The following RPSA2 variants were observed in gnomAD, a reference collection of about 807,000 sequenced individuals.
RPSA2 encodes the protein ribosomal protein SA 2, also known as small ribosomal subunit protein uS2B.
chr19:23,825,241 G>A, the RPSA2 span, among the ~76,000 whole-genome samples: 1 of 152,058 alleles, frequency 6.6e-6, no homozygotes, highest in African/African-American at 2.4e-5. Flanking sequence ...GCCTCCCAAG[G>A]TATCTAATAA....
the RPSA2 span, chr19:23,843,190 C>A: frequency 8.5e-6 from 2 of 233,944 alleles, no homozygotes; most frequent in Non-Finnish European, 1.8e-5. Context: ...GCTGTGGTGT[C>A]TCTGTACCTG....
chr19:23,783,284 G>A, the RPSA2 span, among the ~76,000 whole-genome samples: 2 of 151,724 alleles, frequency 1.3e-5, no homozygotes, highest in East Asian at 1.9e-4. Context: ...TGATAGAGAC[G>A]GGGCTTCTCC....
chr19:23,832,909 T>C, the RPSA2 span: 6 of 1,549,088 alleles, frequency 3.9e-6, no homozygotes, highest in Non-Finnish European at 5.3e-6. Flanking sequence ...ACGTGGCAAA[T>C]CTTTTAACCT....
the RPSA2 span, among the ~76,000 whole-genome samples, chr19:23,857,423 C>T: frequency 8.6e-4 from 130 of 152,002 alleles, 2 homozygotes; most frequent in East Asian, 0.024. Flanking sequence ...ATTTGGGGTC[C>T]CTGACTTCCC....
the RPSA2 span, among the ~76,000 whole-genome samples, chr19:23,845,213 T>A: frequency 8.3e-6 from 1 of 119,970 alleles, no homozygotes; most frequent in South Asian, 2.8e-4. Context: ...AGCAACTTTT[T>A]ATTCTATTGG....
chr19:23,767,313 A>G, the RPSA2 span, among the ~76,000 whole-genome samples: 1 of 152,028 alleles, frequency 6.6e-6, no homozygotes, highest in African/African-American at 2.4e-5. Flanking sequence ...TCATGACCTC[A>G]GGTGGTCCAT....
the RPSA2 span, among the ~76,000 whole-genome samples, chr19:23,789,023 C>CTTTTTTTTTTTT: frequency 1.5e-5 from 2 of 129,418 alleles, no homozygotes; most frequent in East Asian, 2.3e-4. Context: ...TTCTTTCTTT[C>CTTTTTTTTTTTT]TTTTTTTTTT....
the RPSA2 span, among the ~76,000 whole-genome samples, chr19:23,836,605 G>A: frequency 6.6e-6 from 1 of 152,084 alleles, no homozygotes; most frequent in Non-Finnish European, 1.5e-5. Flanking sequence ...GTTTCCTATA[G>A]TGACTGTACT....
chr19:23,812,293 A>G, the RPSA2 span, among the ~76,000 whole-genome samples: 7 of 151,864 alleles, frequency 4.6e-5, no homozygotes, highest in South Asian at 4.1e-4. Flanking sequence ...GTCTATCACA[A>G]TCAGATATGT....
At chr19:23,828,222 G>T in the RPSA2 span, among the ~76,000 whole-genome samples, 1 of 149,598 alleles carries the variant, frequency 6.7e-6, no homozygotes, top group African/African-American at 2.5e-5. Flanking sequence ...TATTTTATTA[G>T]TCTACTTTTT....
chr19:23,813,896 T>TA, the RPSA2 span, among the ~76,000 whole-genome samples: 1 of 151,916 alleles, frequency 6.6e-6, no homozygotes, highest in Non-Finnish European at 1.5e-5. Context: ...CTAATTTTTG[T>TA]ATTTTTAGTA....
At chr19:23,762,911 G>A in the RPSA2 span, 3 of 151,848 alleles carry the variant, frequency 2.0e-5, no homozygotes, top group Admixed American at 6.6e-5. Flanking sequence ...CCAATCAGTG[G>A]CGCTGGCGCG....
chr19:23,859,225 G>A, the RPSA2 span, among the ~76,000 whole-genome samples: 1 of 152,262 alleles, frequency 6.6e-6, no homozygotes, highest in South Asian at 2.1e-4. Context: ...TGCAAAAACT[G>A]CTACGTACAA....
At chr19:23,794,311 C>A in the RPSA2 span, among the ~76,000 whole-genome samples, 1 of 152,214 alleles carries the variant, frequency 6.6e-6, no homozygotes, top group Non-Finnish European at 1.5e-5. Flanking sequence ...AATGTACACT[C>A]TTTAACAGCA....
the RPSA2 span, among the ~76,000 whole-genome samples, chr19:23,812,388 C>CTTTTTTTTTTTTTTTTTTTTTT: frequency 2.3e-3 from 258 of 114,130 alleles, 1 homozygote; most frequent in Non-Finnish European, 2.9e-3. Context: ...CTCTTTTTCT[C>CTTTTTTTTTTTTTTTTTTTTTT]TTTTTTTTTT....
At chr19:23,786,287 G>A in the RPSA2 span, among the ~76,000 whole-genome samples, 3 of 152,172 alleles carry the variant, frequency 2.0e-5, no homozygotes, top group Non-Finnish European at 2.9e-5. Flanking sequence ...GGACCTGTGC[G>A]GGATTGTTAA....
At chr19:23,788,026 A>G in the RPSA2 span, among the ~76,000 whole-genome samples, 3 of 152,212 alleles carry the variant, frequency 2.0e-5, no homozygotes, top group Admixed American at 2.0e-4. Context: ...CACAGCCCAC[A>G]GGGTTGTGAT....
At chr19:23,832,549 C>A in the RPSA2 span, 818 of 847,410 alleles carry the variant, frequency 9.7e-4, 1 homozygote, top group African/African-American at 0.013. Context: ...AAAAGAAACC[C>A]TACAAATGTC....
chr19:23,865,419 T>C, the RPSA2 span, among the ~76,000 whole-genome samples: 2 of 152,126 alleles, frequency 1.3e-5, no homozygotes, highest in East Asian at 1.9e-4. Flanking sequence ...AGGAGAGGGA[T>C]TGAAATGGGC....
Sources: allele counts gnomAD v4.1 joint callset (sites outside exome capture counted in the v4.1 genomes callset), GRCh38; gene constraint gnomAD v4.1.1; transcripts MANE v1.5; gene names NCBI Gene and HGNC (gene_info 2026-07-23, HGNC 2026-07-21).